DPP10: variants seen among roughly 807,000 people sequenced by gnomAD.
DPP10 encodes dipeptidyl peptidase like 10, also known as inactive dipeptidyl peptidase 10.
In DPP10, 33 loss-of-function variants were observed where a neutral mutation model predicts 120.9. The ratio of observed to expected loss-of-function variants is 0.27; its 90% CI spans 0.21 to 0.37. The LOEUF is 0.37. Among genes scored for constraint, DPP10 ranks in the 10% least tolerant of loss-of-function variants. The pLI is 1.00. For missense variants in DPP10, 816 were observed against 942.8 expected, an observed-to-expected ratio of 0.87 and a Z score of 1.76; for synonymous variants, 337 against 326.1, an observed-to-expected ratio of 1.03 and a Z score of -0.36.
intron 1 of DPP10, among the ~76,000 whole-genome samples, chr2:114,506,724 C>T (rs1356417604): frequency 6.6e-6 from 1 of 152,170 alleles, no homozygotes; most frequent in Non-Finnish European, 1.5e-5. Flanking sequence ...TGGAACACAA[C>T]TGGGCCAAGC....
At chr2:115,747,355 C>T (rs561381645) in intron 10 of DPP10, among the ~76,000 whole-genome samples, 29 of 152,230 alleles carry the variant, frequency 1.9e-4, no homozygotes, top group South Asian at 1.7e-3. Flanking sequence ...CAAATAGTAA[C>T]ATTTATTTCT....
At chr2:115,305,669 T>G (rs897365634) in intron 1 of DPP10, among the ~76,000 whole-genome samples, 1 of 151,958 alleles carries the variant, frequency 6.6e-6, no homozygotes, top group African/African-American at 2.4e-5. Flanking sequence ...GCCCAGGAGT[T>G]TGAGGTTTCA....
At chr2:115,205,363 A>G (rs1389803419) in intron 1 of DPP10, among the ~76,000 whole-genome samples, 2 of 151,724 alleles carry the variant, frequency 1.3e-5, no homozygotes, top group Non-Finnish European at 3.0e-5. Context: ...TTTCTTTATT[A>G]CTTATTTCTG....
At chr2:115,802,190 AT>A (rs1415232917) in intron 19 of DPP10, among the ~76,000 whole-genome samples, 1 of 152,134 alleles carries the variant, frequency 6.6e-6, no homozygotes, top group African/African-American at 2.4e-5. Flanking sequence ...GAATTTATCC[AT>A]TTCTTCTAGA....
chr2:114,834,399 A>G (rs565223981), intron 1 of DPP10, among the ~76,000 whole-genome samples: 91 of 151,374 alleles, frequency 6.0e-4, no homozygotes, highest in African/African-American at 2.1e-3. Context: ...CTATGTATAT[A>G]TAAGCCATAT....
intron 3 of DPP10, among the ~76,000 whole-genome samples, chr2:115,486,900 T>C (rs2075810875): frequency 1.3e-5 from 2 of 152,230 alleles, no homozygotes; most frequent in African/African-American, 4.8e-5. Context: ...AAAAAGGCTC[T>C]TTATCACAGG....
At chr2:114,837,959 A>T (rs1042053277) in intron 1 of DPP10, among the ~76,000 whole-genome samples, 6 of 152,210 alleles carry the variant, frequency 3.9e-5, no homozygotes, top group African/African-American at 1.4e-4. Flanking sequence ...AATAAATGCT[A>T]AAATTTCACT....
intron 1 of DPP10, among the ~76,000 whole-genome samples, chr2:115,241,248 G>A (rs368059133): frequency 1.4e-4 from 21 of 151,234 alleles, no homozygotes; most frequent in African/African-American, 4.6e-4. Flanking sequence ...CAGCCTGGGC[G>A]ACAGAGCGAG....
At chr2:115,795,392 A>G (rs2149935237) in intron 19 of DPP10, among the ~76,000 whole-genome samples, 1 of 152,248 alleles carries the variant, frequency 6.6e-6, no homozygotes, top group South Asian at 2.1e-4. Context: ...AGAATGCAAC[A>G]TATGCTATCT....
intron 1 of DPP10, among the ~76,000 whole-genome samples, chr2:114,852,615 A>G (rs1689044696): frequency 6.6e-6 from 1 of 152,072 alleles, no homozygotes; most frequent in Non-Finnish European, 1.5e-5. Context: ...TGTGGATTTC[A>G]GTTTCCGCGG....
intron 3 of DPP10, among the ~76,000 whole-genome samples, chr2:115,349,071 A>G (rs1010490299): frequency 2.6e-5 from 4 of 152,148 alleles, no homozygotes; most frequent in African/African-American, 9.7e-5. Context: ...GTTTCATTAT[A>G]ATGAGAACAG....
intron 1 of DPP10, among the ~76,000 whole-genome samples, chr2:115,112,343 A>C (rs2049266589): frequency 6.6e-6 from 1 of 152,086 alleles, no homozygotes; most frequent in African/African-American, 2.4e-5. Flanking sequence ...CCGTTCTATA[A>C]AGTAACATTA....
At chr2:114,586,782 T>C (rs1452363466) in intron 1 of DPP10, among the ~76,000 whole-genome samples, 1 of 152,204 alleles carries the variant, frequency 6.6e-6, no homozygotes, top group Admixed American at 6.5e-5. Flanking sequence ...CTTGCTCTCT[T>C]AGTTCCCATG....
At chr2:115,801,633 T>G (rs182246217) in intron 19 of DPP10, among the ~76,000 whole-genome samples, 3 of 152,348 alleles carry the variant, frequency 2.0e-5, no homozygotes, top group Admixed American at 2.0e-4. Flanking sequence ...TTAAGAGTTT[T>G]TAGCATGAAG....
At chr2:114,447,475 C>T (rs978801896) in intron 1 of DPP10, among the ~76,000 whole-genome samples, 1 of 152,228 alleles carries the variant, frequency 6.6e-6, no homozygotes, top group South Asian at 2.1e-4. Flanking sequence ...AAATCTACCT[C>T]TGTGTGTCAT....
intron 1 of DPP10, among the ~76,000 whole-genome samples, chr2:115,017,208 A>G (rs1034359622): frequency 6.6e-6 from 1 of 151,888 alleles, no homozygotes; most frequent in African/African-American, 2.4e-5. Context: ...CAAGTATAAT[A>G]ATAATAAAAT....
chr2:115,166,519 A>T (rs570234728), intron 1 of DPP10, among the ~76,000 whole-genome samples: 3 of 141,252 alleles, frequency 2.1e-5, no homozygotes, highest in Admixed American at 7.0e-5. Context: ...TAAATTTATA[A>T]TATAAATATA....
intron 1 of DPP10, among the ~76,000 whole-genome samples, chr2:114,797,773 G>A (rs1359634745): frequency 1.3e-5 from 2 of 152,296 alleles, no homozygotes; most frequent in South Asian, 2.1e-4. Context: ...GTCCCCTCCA[G>A]TACCCAGGAG....
At chr2:115,657,157 T>G (rs1246733077) in intron 5 of DPP10, among the ~76,000 whole-genome samples, 1 of 151,788 alleles carries the variant, frequency 6.6e-6, no homozygotes, top group Non-Finnish European at 1.5e-5. Context: ...CATAAACCTC[T>G]TTTATTTGCT....
Sources: gnomAD v4.1 joint callset for allele counts (sites outside exome capture counted in the v4.1 genomes callset) on GRCh38, gnomAD v4.1.1 for gene constraint, MANE v1.5 for transcripts, NCBI Gene and HGNC (gene_info 2026-07-23, HGNC 2026-07-21) for gene names.